DDX10: variants seen among roughly 807,000 people sequenced by gnomAD.
The protein encoded by DDX10 is probable ATP-dependent RNA helicase DDX10.
In DDX10, 74 loss-of-function variants were observed where a neutral mutation model predicts 104.3. The observed-to-expected ratio is 0.71, with a 90% CI of 0.59 to 0.86. The LOEUF (loss-of-function observed/expected upper bound fraction) is 0.86. Among genes scored for constraint, DDX10 ranks in the 40% least tolerant of loss-of-function variants. DDX10 has a pLI of 0.00. For missense variants in DDX10, 952 were observed against 1,040.0 expected (o/e 0.92, Z 1.16); for synonymous variants, 351 against 353.4 (o/e 0.99, Z 0.08).
At chr11:108,906,955 ATTC>A (rs1296830517) in intron 16 of DDX10, among the ~76,000 whole-genome samples, 16 of 152,200 alleles carry the variant, frequency 1.1e-4, no homozygotes, top group African/African-American at 3.9e-4. Context: ...CTCAGATTAC[ATTC>A]TTCTTTTATA....
In DDX10 at chr11:108,723,414, G is replaced by T. The variant is rs1252980648; in HGVS notation, c.1917G>T (p.Lys639Asn). The change falls in exon 13 of 18, where the codon AAG becomes AAT. Residue 639 changes from lysine to asparagine, a missense_variant. Transcript: ENST00000322536. ...EEEDADFLKV[K>N]RHNVFGLDLK... The stretch of plus-strand genomic sequence containing the variant: ...AAGATGCTGATTTCTTGAAGGTGAA[G>T]CGGCATAATGTGTTTGGATTGGACC... 1 of 1,613,648 alleles carries T rather than the reference G, an allele frequency of 6.2e-7. No individual in the cohort carries two copies. The highest frequency in any genetic ancestry group is 1.3e-5 in the African/African-American group (1 of 74,912).
At chr11:108,682,159 C>CA (rs112555182) in intron 6 of DDX10, among the ~76,000 whole-genome samples, 6,762 of 152,186 alleles carry the variant, frequency 0.044, 408 homozygotes, top group African/African-American at 0.14. Context: ...GGCTGGAGTG[C>CA]AGTGGCATGA....
At chr11:108,859,123 G>T (rs773402926) in intron 16 of DDX10, among the ~76,000 whole-genome samples, 1 of 152,152 alleles carries the variant, frequency 6.6e-6, no homozygotes, top group East Asian at 1.9e-4. Flanking sequence ...ATCCAGGTCG[G>T]ATTGCACTCC....
intron 16 of DDX10, among the ~76,000 whole-genome samples, chr11:108,883,155 T>A (rs1863249450): frequency 1.3e-5 from 2 of 152,138 alleles, no homozygotes; most frequent in East Asian, 1.9e-4. Context: ...CTGGTGTTAT[T>A]TAGGTGGCAA....
chr11:108,855,614 C>T (rs1439908548), intron 16 of DDX10, among the ~76,000 whole-genome samples: 4 of 152,164 alleles, frequency 2.6e-5, no homozygotes, highest in Non-Finnish European at 4.4e-5. Flanking sequence ...CATGTGCCAC[C>T]ACGCCCAGCT....
intron 17 of DDX10, among the ~76,000 whole-genome samples, chr11:108,922,516 A>G (rs942310137): frequency 2.0e-5 from 3 of 152,228 alleles, no homozygotes; most frequent in Non-Finnish European, 4.4e-5. Context: ...TAGGCAATGG[A>G]GAGCCAGATT....
chr11:108,784,343 A>G (rs1380818089), intron 13 of DDX10, among the ~76,000 whole-genome samples: 5 of 151,822 alleles, frequency 3.3e-5, no homozygotes, highest in Non-Finnish European at 7.4e-5. Context: ...CTCCATTGTG[A>G]TTGGTGTGAG....
At chr11:108,710,624 T>G (rs1406852312) in intron 10 of DDX10, among the ~76,000 whole-genome samples, 1 of 152,128 alleles carries the variant, frequency 6.6e-6, no homozygotes, top group Admixed American at 6.5e-5. Context: ...GGGACCTGCC[T>G]GAGGGTGTTT....
At position 108,732,902 on chromosome 11, in the gene DDX10, C is replaced by G. The variant is rs566662986; in HGVS notation, c.1965+9440C>G. Among the ~76,000 whole-genome samples, 16 of 152,274 alleles carry G rather than the reference C, an allele frequency of 1.1e-4. No homozygotes were observed. In the East Asian group the frequency reaches 3.1e-3, roughly 29 times the overall value. On this transcript the variant is annotated intron_variant, in intron 13 of 17. Transcript: ENST00000322536. ...TTCCTTAAATGTGAGAATGAAATCT[C>G]TAAGCATATGCTTTCTTTTCTTTTT...
intron 6 of DDX10, among the ~76,000 whole-genome samples, chr11:108,686,907 C>G (rs547747834): frequency 6.6e-6 from 1 of 152,226 alleles, no homozygotes; most frequent in South Asian, 2.1e-4. Context: ...GCCTCAGCCT[C>G]CCAAGTAGCT....
chr11:108,808,083 C>G (rs1862125005), intron 13 of DDX10, among the ~76,000 whole-genome samples: 1 of 152,042 alleles, frequency 6.6e-6, no homozygotes, highest in Admixed American at 6.6e-5. Flanking sequence ...TTCATAGAGT[C>G]ATGAGAAGAA....
At chr11:108,903,529 T>C (rs942904970) in intron 16 of DDX10, among the ~76,000 whole-genome samples, 31 of 152,172 alleles carry the variant, frequency 2.0e-4, no homozygotes, top group African/African-American at 7.2e-4. Flanking sequence ...TTCTTGTCAT[T>C]ATTTCCTAAA....
At chr11:108,866,157 T>A (rs2726911) in intron 16 of DDX10, among the ~76,000 whole-genome samples, 2 of 151,872 alleles carry the variant, frequency 1.3e-5, no homozygotes, top group Admixed American at 6.6e-5. Flanking sequence ...AGTTGGACTC[T>A]GGAGAGTGAA....
At chr11:108,806,622 G>C (rs1862104454) in intron 13 of DDX10, among the ~76,000 whole-genome samples, 1 of 152,174 alleles carries the variant, frequency 6.6e-6, no homozygotes, top group African/African-American at 2.4e-5. Flanking sequence ...TAAGCAGTGT[G>C]CTGTAACTAA....
intron 16 of DDX10, among the ~76,000 whole-genome samples, chr11:108,885,532 A>G (rs903460401): frequency 6.6e-6 from 1 of 151,666 alleles, no homozygotes; most frequent in African/African-American, 2.4e-5. Flanking sequence ...TAATTTTTGT[A>G]TTTTTAGTAG....
At chr11:108,774,874 A>G (rs192129331) in intron 13 of DDX10, among the ~76,000 whole-genome samples, 211 of 152,308 alleles carry the variant, frequency 1.4e-3, no homozygotes, top group Non-Finnish European at 2.2e-3. Flanking sequence ...CATTGTTAAG[A>G]GATTCCTGTC....
At chr11:108,804,264 G>A (rs1811620720) in intron 13 of DDX10, among the ~76,000 whole-genome samples, 1 of 152,058 alleles carries the variant, frequency 6.6e-6, no homozygotes, top group African/African-American at 2.4e-5. Context: ...TTGAGAGGCC[G>A]AGGAGGGAGG....
intron 1 of DDX10, 88 bp from the exon 2 acceptor site, chr11:108,673,379 A>C: frequency 2.4e-6 from 2 of 836,580 alleles, no homozygotes; most frequent in Non-Finnish European, 3.9e-6. Flanking sequence ...TGAATTACCA[A>C]GGATGAGCTG....
intron 2 of DDX10, among the ~76,000 whole-genome samples, chr11:108,674,658 A>G (rs768647512): frequency 2.0e-4 from 30 of 152,200 alleles, no homozygotes; most frequent in South Asian, 1.9e-3. Flanking sequence ...CTGCAGGTGC[A>G]TGCCACTGTG....
Sources: gnomAD v4.1 joint callset for allele counts (sites outside exome capture counted in the v4.1 genomes callset) on GRCh38, gnomAD v4.1.1 for gene constraint, MANE v1.5 for transcripts, NCBI Gene and HGNC (gene_info 2026-07-23, HGNC 2026-07-21) for gene names.